CLIP4: variants seen among roughly 807,000 people sequenced by gnomAD.
The protein encoded by CLIP4 is CAP-Gly domain-containing linker protein 4.
Under a neutral mutation model 73.1 loss-of-function variants are expected in CLIP4, and 47 were observed. The ratio of observed to expected loss-of-function variants is 0.64; its 90% CI spans 0.51 to 0.82. The LOEUF (loss-of-function observed/expected upper bound fraction) is 0.82. Ranked by LOEUF, CLIP4 falls within the 40% of genes least tolerant of loss-of-function variation. CLIP4 has a pLI of 0.00. For missense variants in CLIP4, 874 were observed against 852.9 expected, an observed-to-expected ratio of 1.02 and a Z score of -0.31; for synonymous variants, 306 against 295.4, an observed-to-expected ratio of 1.04 and a Z score of -0.37.
At position 29,182,128 on chromosome 2, in the gene CLIP4, C is replaced by G. The variant is rs1163910327; in HGVS notation, c.*235C>G. 4 of 319,254 alleles carry G rather than the reference C, an allele frequency of 1.3e-5. No individual in the cohort carries two copies. Among genetic ancestry groups the G allele is most frequent in the Non-Finnish European group, 2.3e-5 (4 of 177,464 alleles). 19.8% of individuals were successfully genotyped at this position (319,254 alleles called of 1,614,324 possible). ...AAGTACCAATTAAAGCTTTAGGTTC[C>G]AAGAAGATTCTGGGACTCAGGAAGA... On this transcript the variant is annotated 3_prime_UTR_variant, in exon 16 of 16. Coordinates refer to ENST00000320081, the MANE Select transcript of CLIP4 (RefSeq NM_024692.6).
chr2:29,135,104 G>A (rs1216218106), intron 5 of CLIP4, among the ~76,000 whole-genome samples: 1 of 152,114 alleles, frequency 6.6e-6, no homozygotes, highest in Non-Finnish European at 1.5e-5. Flanking sequence ...GTGTGCCTGT[G>A]TTCTAATAAA....
chr2:29,110,066 A>G (rs1668345359), intron 1 of CLIP4, among the ~76,000 whole-genome samples: 1 of 150,556 alleles, frequency 6.6e-6, no homozygotes. Context: ...TCAAAAAAAT[A>G]AAAAAAGAAT....
intron 15 of CLIP4, 23 bp from the exon 16 acceptor site, chr2:29,181,549 T>C (rs2148126586): frequency 1.3e-6 from 2 of 1,531,098 alleles, no homozygotes; most frequent in East Asian, 2.3e-5. Context: ...AAATAATTTT[T>C]CCCACTTTTC....
Position 29,143,938 on chromosome 2 carries a change from G to A in CLIP4, c.878G>A (p.Gly293Glu). The change falls in exon 7 of 16, where the codon GGA becomes GAA. Residue 293 changes from glycine to glutamate, a missense_variant. Coordinates refer to ENST00000320081, the MANE Select transcript of CLIP4 (RefSeq NM_024692.6). ...TTGGGGGATCGTGTTGTTATTGCAGGACAGAAGGTACAGTAAGTAACTGCA... is the reference window on the plus strand; with the variant it reads ...TTGGGGGATCGTGTTGTTATTGCAGAACAGAAGGTACAGTAAGTAACTGCA... Reference protein sequence around the residue: ...LKLGDRVVIAGQKVGTLRFCG... With the variant: ...LKLGDRVVIAEQKVGTLRFCG... The A allele has an allele frequency of 6.2e-7, 1 of 1,613,910 alleles. No homozygotes were observed. Among genetic ancestry groups the A allele is most frequent in the Non-Finnish European group, 8.5e-7 (1 of 1,179,794 alleles).
intron 15 of CLIP4, 139 bp from the exon 16 acceptor site, chr2:29,181,433 A>C: frequency 1.4e-6 from 1 of 725,636 alleles, no homozygotes. Flanking sequence ...AAATTTAAAA[A>C]TCAAGTTGTG....
intron 11 of CLIP4, 162 bp downstream of exon 11, chr2:29,157,509 C>G: frequency 9.4e-7 from 1 of 1,059,884 alleles, no homozygotes; most frequent in South Asian, 1.5e-5. Flanking sequence ...GCCTTAAGGT[C>G]TCTTTGTTTT....
At chr2:29,107,093 G>T (rs907385513) in intron 1 of CLIP4, among the ~76,000 whole-genome samples, 1 of 152,090 alleles carries the variant, frequency 6.6e-6, no homozygotes, top group African/African-American at 2.4e-5. Context: ...TTGATCCATT[G>T]TTGACAAGGT....
At chr2:29,165,262 C>CTTTCT in intron 13 of CLIP4, among the ~76,000 whole-genome samples, 1 of 148,978 alleles carries the variant, frequency 6.7e-6, no homozygotes, top group East Asian at 2.0e-4. Context: ...TTCTTTCTTT[C>CTTTCT]TTTTTTTTTT....
intron 9 of CLIP4, among the ~76,000 whole-genome samples, chr2:29,153,281 A>G (rs1490952588): frequency 3.9e-5 from 6 of 152,144 alleles, no homozygotes; most frequent in East Asian, 1.9e-4. Context: ...TGGAAGAACT[A>G]TGGAAGAGTT....
At chr2:29,160,232 C>G (rs1435305904) in intron 11 of CLIP4, 101 bp from the exon 12 acceptor site, 5 of 1,413,406 alleles carry the variant, frequency 3.5e-6, no homozygotes, top group African/African-American at 2.8e-5. Context: ...GTTAGAATAC[C>G]TAGTGTGATT....
intron 9 of CLIP4, among the ~76,000 whole-genome samples, chr2:29,155,254 G>T (rs1481011496): frequency 6.6e-6 from 1 of 152,144 alleles, no homozygotes; most frequent in South Asian, 2.1e-4. Context: ...CTATGATTGT[G>T]CCACTGCACT....
chr2:29,167,565 C>T, intron 14 of CLIP4, 25 bp downstream of exon 14: 1 of 1,536,192 alleles, frequency 6.5e-7, no homozygotes, highest in Non-Finnish European at 8.8e-7. Context: ...TTTTGTGTTC[C>T]TAATCAATAT....
chr2:29,152,247 A>G (rs926803757), intron 8 of CLIP4, among the ~76,000 whole-genome samples: 1 of 152,210 alleles, frequency 6.6e-6, no homozygotes, highest in Non-Finnish European at 1.5e-5. Context: ...ATAGATTTTT[A>G]TGCTCTATGG....
chr2:29,180,286 T>G (rs1377757948), intron 15 of CLIP4, among the ~76,000 whole-genome samples: 1 of 152,086 alleles, frequency 6.6e-6, no homozygotes, highest in Non-Finnish European at 1.5e-5. Flanking sequence ...CTATTGTGGG[T>G]GAATATCAGG....
At chr2:29,107,362 T>TTTTTTTTTTTTTTC (rs1668244647) in intron 1 of CLIP4, among the ~76,000 whole-genome samples, 1 of 74,988 alleles carries the variant, frequency 1.3e-5, no homozygotes, top group Non-Finnish European at 2.6e-5. Context: ...ATGATAGTTT[T>TTTTTTTTTTTTTTC]TTTTTTTTTT....
intron 1 of CLIP4, among the ~76,000 whole-genome samples, chr2:29,118,830 A>G (rs970119824): frequency 6.6e-6 from 1 of 151,992 alleles, no homozygotes; most frequent in Non-Finnish European, 1.5e-5. Context: ...GGGCCAATAT[A>G]TATATATATA....
Position 29,152,671 on chromosome 2 carries a change from G to A in CLIP4, c.1022-14G>A, listed in dbSNP as rs759000387. 5 of 1,609,288 alleles carry A rather than the reference G, an allele frequency of 3.1e-6. No homozygotes were observed. Among genetic ancestry groups the A allele is most frequent in the Admixed American group, 3.4e-5 (2 of 59,266 alleles). On this transcript the variant is annotated splice_polypyrimidine_tract_variant and intron_variant, in intron 8 of 15. Transcript: ENST00000320081. ...TTTAATTGTTTAACACTAAAATTCT[G>A]CATTCTCCCTTAGGTATTTTTGCAC...
chr2:29,181,712 C>G lies in CLIP4; in HGVS notation c.1937C>G (p.Thr646Ser). The change falls in exon 16 of 16, where the codon ACT (threonine) becomes AGT (serine). Residue 646 changes from threonine to serine, a missense_variant. Coordinates refer to ENST00000320081, the MANE Select transcript of CLIP4 (RefSeq NM_024692.6). ...GGTACTGTTAGGTATGTGGGCCCCA[C>G]TGACTTTGCTTCAGGTATCTGGCTT... is the stretch of plus-strand genomic sequence containing the variant. ...EMGTVRYVGP[T>S]DFASGIWLGL... The G allele has an allele frequency of 1.2e-6, 2 of 1,614,194 alleles. No individual in the cohort carries two copies. The highest frequency in any genetic ancestry group is 1.7e-6 in the Non-Finnish European group (2 of 1,180,030).
intron 9 of CLIP4, among the ~76,000 whole-genome samples, chr2:29,155,868 C>G (rs566340505): frequency 2.2e-4 from 33 of 152,222 alleles, no homozygotes; most frequent in Non-Finnish European, 4.0e-4. Context: ...GCAGAGGCTC[C>G]TTCTTTACAG....
Sources: gnomAD v4.1 joint callset for allele counts (sites outside exome capture counted in the v4.1 genomes callset) on GRCh38, gnomAD v4.1.1 for gene constraint, MANE v1.5 for transcripts, NCBI Gene and HGNC (gene_info 2026-07-23, HGNC 2026-07-21) for gene names.